LEPROTL1: variants seen among roughly 807,000 people sequenced by gnomAD.
LEPROTL1 encodes leptin receptor overlapping transcript-like 1.
Under a neutral mutation model 15.4 loss-of-function variants are expected in LEPROTL1, and 6 were observed. That is an observed-to-expected ratio of 0.39 (90% CI 0.21 to 0.77). The LOEUF is 0.77. Among genes scored for constraint, LEPROTL1 ranks in the 30% least tolerant of loss-of-function variants. The pLI, the probability that LEPROTL1 is intolerant of heterozygous loss-of-function variation, is 0.41. For synonymous variants in LEPROTL1, 56 were observed against 52.6 expected (o/e 1.06, Z -0.28); for missense variants, 128 against 158.1 (o/e 0.81, Z 1.02).
chr8:30,107,219 A>G lies in LEPROTL1; in HGVS notation c.*1357A>G, dbSNP rs145512329. 1.0e-6 allele frequency: 1 copy of G among 985,468 alleles called. No individual in the cohort carries two copies. The allele number at this position is 985,468 out of a possible 1,614,324, so 61.0% of individuals were successfully genotyped here. A position where few individuals can be genotyped will look rare whatever the true frequency, so the allele number is the denominator to read the frequency against. ...ATGCAAAGTAGCCAAGTCCAGCTAT[A>G]TAGCAGCTTCAGAAACATACCTGAC... On this transcript the variant is annotated 3_prime_UTR_variant, in exon 4 of 4. Coordinates refer to ENST00000321250, the MANE Select transcript of LEPROTL1 (RefSeq NM_015344.3).
downstream of LEPROTL1, among the ~76,000 whole-genome samples, chr8:30,110,531 C>T (rs964418296): frequency 6.6e-6 from 1 of 151,930 alleles, no homozygotes; most frequent in African/African-American, 2.4e-5. Flanking sequence ...GTCAAAAGTT[C>T]GAGACCATCC....
At chr8:30,115,371 A>G (rs113678219) in intron 3 of LEPROTL1, among the ~76,000 whole-genome samples, 3,530 of 150,832 alleles carry the variant, frequency 0.023, 134 homozygotes, top group African/African-American at 0.082. Context: ...AAAAAAATCT[A>G]TATCATGTAC....
intron 1 of LEPROTL1, chr8:30,095,866 A>C (rs904028217): frequency 7.1e-6 from 5 of 701,524 alleles, no homozygotes; most frequent in African/African-American, 7.0e-5. Flanking sequence ...CACGTTTTGC[A>C]GGAGTTTGCA....
chr8:30,110,607 G>T (rs186932094), downstream of LEPROTL1, among the ~76,000 whole-genome samples: 1,138 of 152,004 alleles, frequency 7.5e-3, 9 homozygotes, highest in Non-Finnish European at 0.013. Flanking sequence ...TGGTGGTGGC[G>T]CCTGTAGTCC....
At chr8:30,099,890 G>A (rs1023258578) in intron 1 of LEPROTL1, among the ~76,000 whole-genome samples, 2 of 152,196 alleles carry the variant, frequency 1.3e-5, no homozygotes, top group Non-Finnish European at 2.9e-5. Flanking sequence ...CTGAAGTGAG[G>A]GTTCAGGGAC....
At chr8:30,129,522 C>T (rs1456142478) in intron 3 of LEPROTL1, among the ~76,000 whole-genome samples, 3 of 151,972 alleles carry the variant, frequency 2.0e-5, no homozygotes, top group South Asian at 2.1e-4. Context: ...CTGGCCAACA[C>T]GGTGAAACCC....
At chr8:30,119,583 G>T (rs1195302115) in intron 3 of LEPROTL1, among the ~76,000 whole-genome samples, 1 of 152,102 alleles carries the variant, frequency 6.6e-6, no homozygotes, top group Non-Finnish European at 1.5e-5. Flanking sequence ...TTGGATGAGG[G>T]CCCATGCTAA....
intron 2 of LEPROTL1, 37 bp downstream of exon 2, chr8:30,102,010 T>C (rs1413722737): frequency 7.3e-7 from 1 of 1,375,354 alleles, no homozygotes; most frequent in African/African-American, 1.5e-5. Context: ...TATTTAAGGG[T>C]AAAATTTTTC....
intron 2 of LEPROTL1, among the ~76,000 whole-genome samples, chr8:30,104,009 C>T (rs1802514742): frequency 6.6e-6 from 1 of 152,172 alleles, no homozygotes; most frequent in South Asian, 2.1e-4. Context: ...GACTGTGGTA[C>T]AATACAGTTA....
intron 1 of LEPROTL1, chr8:30,095,831 T>G: frequency 1.4e-6 from 1 of 699,448 alleles, no homozygotes; most frequent in Non-Finnish European, 2.6e-6. Flanking sequence ...CAGTGAGGAG[T>G]CCCGTCGCGA....
intron 3 of LEPROTL1, among the ~76,000 whole-genome samples, chr8:30,123,459 C>A (rs184421920): frequency 5.3e-5 from 8 of 152,330 alleles, no homozygotes; most frequent in Admixed American, 2.6e-4. Flanking sequence ...TGATATATCT[C>A]TCAATTTATT....
intron 2 of LEPROTL1, among the ~76,000 whole-genome samples, chr8:30,102,525 G>A (rs1482670192): frequency 6.6e-6 from 1 of 151,802 alleles, no homozygotes; most frequent in Non-Finnish European, 1.5e-5. Context: ...GGTGACACAT[G>A]CCTGTAGTCC....
At chr8:30,126,310 T>C (rs530152339) in intron 3 of LEPROTL1, among the ~76,000 whole-genome samples, 4 of 152,284 alleles carry the variant, frequency 2.6e-5, no homozygotes, top group African/African-American at 9.6e-5. Flanking sequence ...CAAAATAGCC[T>C]AACAATGCAT....
downstream of LEPROTL1, among the ~76,000 whole-genome samples, chr8:30,111,135 G>T (rs980579189): frequency 6.6e-6 from 1 of 152,226 alleles, no homozygotes; most frequent in African/African-American, 2.4e-5. Context: ...TAAACCAAGT[G>T]TAGGTGGATT....
intron 3 of LEPROTL1, among the ~76,000 whole-genome samples, chr8:30,118,313 C>G (rs1426647663): frequency 6.6e-6 from 1 of 151,806 alleles, no homozygotes; most frequent in African/African-American, 2.4e-5. Context: ...CCATGCCTGG[C>G]CAGAAAAACA....
At chr8:30,109,385 C>T (rs1054430475), downstream of LEPROTL1, among the ~76,000 whole-genome samples, 1 of 152,102 alleles carries the variant, frequency 6.6e-6, no homozygotes, top group Non-Finnish European at 1.5e-5. Flanking sequence ...AAAACATGTC[C>T]TGTAGGTAAA....
chr8:30,131,306 G>A (rs111885379), intron 3 of LEPROTL1, among the ~76,000 whole-genome samples: 3,596 of 141,356 alleles, frequency 0.025, 176 homozygotes, highest in African/African-American at 0.088. Flanking sequence ...ATGTGTGTGT[G>A]TATATATATA....
At position 30,132,586 on chromosome 8, in the gene LEPROTL1, A is replaced by G. The variant is rs1416221163; in HGVS notation, c.394+97A>G. The G allele has an allele frequency of 1.9e-6, 3 of 1,551,630 alleles. No individual in the cohort carries two copies. In the East Asian group the frequency reaches 7.3e-5, roughly 38 times the overall value. On this transcript the variant is annotated intron_variant, in intron 4 of 4. Coordinates refer to the LEPROTL1 transcript ENST00000442880. ...CGCTCCTGCATCCACCACCCTGCTC[A>G]CTGCCACGTTTAGGCATTCTAGTCC...
chr8:30,116,980 A>G (rs1174728139), intron 3 of LEPROTL1, among the ~76,000 whole-genome samples: 1 of 152,128 alleles, frequency 6.6e-6, no homozygotes, highest in Non-Finnish European at 1.5e-5. Context: ...GTGCTGGAGA[A>G]TTGGTCAGTA....
Sources: gnomAD v4.1 joint callset for allele counts (sites outside exome capture counted in the v4.1 genomes callset) on GRCh38, gnomAD v4.1.1 for gene constraint, MANE v1.5 for transcripts, NCBI Gene and HGNC (gene_info 2026-07-23, HGNC 2026-07-21) for gene names.